EVI5: variants seen among roughly 807,000 people sequenced by gnomAD.
EVI5 encodes ecotropic viral integration site 5 protein homolog.
Under a neutral mutation model 112.0 loss-of-function variants are expected in EVI5, and 73 were observed. The observed-to-expected ratio is 0.65, with a 90% CI of 0.54 to 0.79. The LOEUF (loss-of-function observed/expected upper bound fraction) is 0.79, where lower values mean the gene tolerates loss of function less well. Among genes scored for constraint, EVI5 ranks in the 30% least tolerant of loss-of-function variants. The pLI, the probability that EVI5 is intolerant of heterozygous loss-of-function variation, is 0.00. For synonymous variants in EVI5, 305 were observed against 319.9 expected (o/e 0.95, Z 0.50); for missense variants, 900 against 968.8 (o/e 0.93, Z 0.94).
At chr1:92,587,223 G>A (rs928801768) in intron 18 of EVI5, among the ~76,000 whole-genome samples, 4 of 151,966 alleles carry the variant, frequency 2.6e-5, no homozygotes, top group African/African-American at 7.2e-5. Flanking sequence ...GTCTATGTAC[G>A]TATTTTCCTG....
chr1:92,782,256 T>C, intron 1 of EVI5, among the ~76,000 whole-genome samples: 1 of 150,890 alleles, frequency 6.6e-6, no homozygotes, highest in African/African-American at 2.4e-5. Context: ...GACTCCATCT[T>C]ACAAAACAAA....
intron 13 of EVI5, among the ~76,000 whole-genome samples, chr1:92,641,639 A>T (rs1659986808): frequency 6.6e-6 from 1 of 152,214 alleles, no homozygotes; most frequent in African/African-American, 2.4e-5. Context: ...GAAAAAAGTT[A>T]TACAAGGCAA....
chr1:92,631,601 A>G (rs891670313), intron 14 of EVI5, among the ~76,000 whole-genome samples: 2 of 152,192 alleles, frequency 1.3e-5, no homozygotes, highest in Non-Finnish European at 2.9e-5. Flanking sequence ...GGGATTTTCT[A>G]GATATACCAT....
intron 17 of EVI5, among the ~76,000 whole-genome samples, chr1:92,606,924 C>CACACACACCCA (rs1557886813): frequency 1.1e-5 from 1 of 91,402 alleles, no homozygotes; most frequent in Admixed American, 1.1e-4. Flanking sequence ...ACACACACAC[C>CACACACACCCA]CCCCCAAACC....
chr1:92,768,187 C>T (rs749344241), intron 1 of EVI5, among the ~76,000 whole-genome samples: 2 of 150,930 alleles, frequency 1.3e-5, no homozygotes, highest in Non-Finnish European at 2.9e-5. Context: ...TAATAGAAAA[C>T]TAAGGTCTTA....
chr1:92,787,568 CAAA>C (rs5776157), upstream of EVI5, among the ~76,000 whole-genome samples: 1 of 151,316 alleles, frequency 6.6e-6, no homozygotes, highest in East Asian at 1.9e-4. Context: ...CCTATCTTTA[CAAA>C]AAAAAAATAC....
intron 6 of EVI5, 101 bp from the exon 7 acceptor site, chr1:92,695,554 C>T: frequency 1.5e-6 from 1 of 656,768 alleles, no homozygotes; most frequent in Non-Finnish European, 2.4e-6. Flanking sequence ...CAGATTAGAT[C>T]AAGCATCATA....
intron 1 of EVI5, among the ~76,000 whole-genome samples, chr1:92,736,936 T>C (rs1445857043): frequency 6.6e-6 from 1 of 152,218 alleles, no homozygotes; most frequent in Non-Finnish European, 1.5e-5. Context: ...TGCTGTCTAA[T>C]GAAATTTTTG....
Position 92,717,863 on chromosome 1 carries a change from T to C in EVI5, c.150-13119A>G, listed in dbSNP as rs182205473. Among the ~76,000 whole-genome samples, 186 of 151,208 alleles carry C rather than the reference T, an allele frequency of 1.2e-3. 5 individuals are homozygous for C. The East Asian group carries it at 0.03, about 24-fold the overall frequency. On this transcript the variant is annotated intron_variant, in intron 2 of 19. Transcript: ENST00000684568. ...GGATGGAGGAAGATCTACCAAGCAA[T>C]TGGAAAGCAAAAAAAAAAACCAGGG...
At chr1:92,580,433 G>A (rs1034664641) in intron 18 of EVI5, 1 of 152,570 alleles carries the variant, frequency 6.6e-6, no homozygotes, top group Non-Finnish European at 1.5e-5. Flanking sequence ...TTAAAGTAAG[G>A]GGTTCTCAAT....
intron 19 of EVI5, among the ~76,000 whole-genome samples, chr1:92,526,762 G>A (rs909940764): frequency 2.0e-5 from 3 of 152,162 alleles, no homozygotes; most frequent in African/African-American, 4.8e-5. Context: ...GTATTCTACT[G>A]TAATGGTGGA....
At chr1:92,597,969 G>A (rs1259158956) in intron 18 of EVI5, among the ~76,000 whole-genome samples, 1 of 152,122 alleles carries the variant, frequency 6.6e-6, no homozygotes, top group Non-Finnish European at 1.5e-5. Context: ...TGAGGTGGGG[G>A]GATTGCTTGA....
chr1:92,633,772 G>A (rs879139080), intron 14 of EVI5, among the ~76,000 whole-genome samples: 1 of 152,162 alleles, frequency 6.6e-6, no homozygotes, highest in Non-Finnish European at 1.5e-5. Flanking sequence ...TTTCTTCCTA[G>A]CCTCTATGGT....
At chr1:92,609,127 C>T (rs183099834) in intron 16 of EVI5, among the ~76,000 whole-genome samples, 1 of 152,246 alleles carries the variant, frequency 6.6e-6, no homozygotes, top group Admixed American at 6.5e-5. Context: ...TTCTCTCAAC[C>T]CGAAATTATT....
At chr1:92,670,232 T>C (rs1214688578) in intron 10 of EVI5, among the ~76,000 whole-genome samples, 1 of 152,210 alleles carries the variant, frequency 6.6e-6, no homozygotes, top group African/African-American at 2.4e-5. Flanking sequence ...TTATTTTTAA[T>C]AAGAAAAACT....
chr1:92,632,414 G>C (rs946222189), intron 14 of EVI5, among the ~76,000 whole-genome samples: 8 of 152,196 alleles, frequency 5.3e-5, no homozygotes, highest in Admixed American at 5.2e-4. Flanking sequence ...TCTTGGGAAG[G>C]TGTATGTGTC....
Position 92,510,893 on chromosome 1 carries a change from G to T in EVI5, c.*2763C>A, listed in dbSNP as rs897577298. The T allele has an allele frequency of 4.6e-5, 7 of 152,226 alleles. No individual in the cohort carries two copies. The highest frequency in any genetic ancestry group is 1.7e-4 in the African/African-American group (7 of 41,456). 9.4% of individuals were successfully genotyped at this position (152,226 alleles called of 1,614,324 possible). A position where few individuals can be genotyped will look rare whatever the true frequency, so the allele number is the denominator to read the frequency against. ...CTGCACTTTGCTGACCCCTGGTCCA[G>T]ATCATTCAGATTTCTTGATGTGAGG... On this transcript the variant is annotated 3_prime_UTR_variant, in exon 20 of 20. Transcript: ENST00000684568.
chr1:92,711,218 G>A (rs1009301419), intron 2 of EVI5, among the ~76,000 whole-genome samples: 7 of 152,104 alleles, frequency 4.6e-5, no homozygotes, highest in African/African-American at 1.7e-4. Context: ...AATCCATGTA[G>A]ACAATAAGCA....
At chr1:92,780,232 C>T (rs544299380) in intron 1 of EVI5, among the ~76,000 whole-genome samples, 1 of 152,320 alleles carries the variant, frequency 6.6e-6, no homozygotes, top group South Asian at 2.1e-4. Flanking sequence ...TTGTAAGTTT[C>T]CTGATGCCTC....
Sources: allele counts gnomAD v4.1 joint callset (sites outside exome capture counted in the v4.1 genomes callset), GRCh38; gene constraint gnomAD v4.1.1; transcripts MANE v1.5; gene names NCBI Gene and HGNC (gene_info 2026-07-23, HGNC 2026-07-21).